The following SLC13A2 variants were observed in gnomAD, a reference collection of about 807,000 sequenced individuals.
SLC13A2 encodes the protein Na(+)-coupled citrate transporter.
A neutral mutation model predicts 58.5 loss-of-function variants in SLC13A2; 40 were observed. The ratio of observed to expected loss-of-function variants is 0.68; its 90% CI spans 0.53 to 0.89. SLC13A2 has a LOEUF of 0.89. SLC13A2 is among the 40% of genes least tolerant of loss of function. The pLI is 0.00. For synonymous variants in SLC13A2, 341 were observed against 331.6 expected, an observed-to-expected ratio of 1.03 and a Z score of -0.31; for missense variants, 694 against 772.6, an observed-to-expected ratio of 0.90 and a Z score of 1.21.
intron 1 of SLC13A2, among the ~76,000 whole-genome samples, chr17:28,474,958 G>A (rs2068645713): frequency 6.6e-6 from 1 of 152,218 alleles, no homozygotes; most frequent in African/African-American, 2.4e-5. Flanking sequence ...GAGACTGGGG[G>A]TGATAGTGGC....
intron 1 of SLC13A2, among the ~76,000 whole-genome samples, chr17:28,485,042 C>T (rs1555601745): frequency 6.6e-6 from 1 of 152,146 alleles, no homozygotes; most frequent in East Asian, 1.9e-4. Context: ...GAGGCTACGC[C>T]CCCGTCCTCA....
chr17:28,477,478 G>A (rs997258080), intron 1 of SLC13A2, among the ~76,000 whole-genome samples: 7 of 151,888 alleles, frequency 4.6e-5, no homozygotes, highest in Non-Finnish European at 7.4e-5. Context: ...ACAGGCGTGA[G>A]CCACCATGCC....
intron 10 of SLC13A2, 68 bp downstream of exon 10, chr17:28,495,884 G>C: frequency 6.6e-7 from 1 of 1,524,250 alleles, no homozygotes; most frequent in Non-Finnish European, 8.9e-7. Flanking sequence ...GGTTCTGCCT[G>C]CTGGGCAGAG....
rs782508033 is a variant in SLC13A2 at position 28,473,707 on chromosome 17, C to T, written c.-6C>T. On this transcript the variant is annotated 5_prime_UTR_variant, in exon 1 of 12. Transcript: ENST00000314669. Reference sequence around the variant, plus strand: ...GTGGCTGTAGCAGCCCTTGCTGCTCCACACCATGGCCACCTGCTGGCAGGC... The same window carrying T: ...GTGGCTGTAGCAGCCCTTGCTGCTCTACACCATGGCCACCTGCTGGCAGGC... 3 of 1,613,078 alleles carry T rather than the reference C, an allele frequency of 1.9e-6. No homozygotes were observed. Among genetic ancestry groups the T allele is most frequent in the East Asian group, 2.2e-5 (1 of 44,854 alleles).
chr17:28,493,700 C>T lies in SLC13A2; in HGVS notation c.1008C>T (p.Phe336=), dbSNP rs868952819. The T allele has an allele frequency of 1.1e-5, 17 of 1,614,110 alleles. No homozygotes were observed. The highest frequency in any genetic ancestry group is 2.2e-5 in the South Asian group (2 of 91,092). The change falls in exon 7 of 12, where the codon TTC becomes TTT. Residue 336 remains phenylalanine, a synonymous_variant. Transcript: ENST00000314669. The stretch of plus-strand genomic sequence containing the variant: ...CAGAAAAGGCCATCAGCATCCTATT[C>T]GTCATCCTGGTGCTGCTCTGGTTCA... ...TFAEKAISIL[F]VILVLLWFTR...
Position 28,490,739 on chromosome 17 carries a change from C to T in SLC13A2, c.407C>T (p.Ser136Phe), listed in dbSNP as rs373753870. 7 of 1,614,154 alleles carry T rather than the reference C, an allele frequency of 4.3e-6. No homozygotes were observed. The highest frequency in any genetic ancestry group is 5.9e-6 in the Non-Finnish European group (7 of 1,180,012). The change falls in exon 4 of 12, where the codon TCC (serine) becomes TTC (phenylalanine). Residue 136 changes from serine (S) to phenylalanine (F), a missense_variant. Ser to Phe is a radical substitution (Grantham distance 155, BLOSUM62 -2). Transcript: ENST00000314669. ...LGFMLVTAFL[S>F]MWISNTATSA... ...TTCATGCTGGTCACGGCCTTCCTGTCCATGTGGATCAGCAACACGGCCACC... is the reference window on the plus strand; with the variant it reads ...TTCATGCTGGTCACGGCCTTCCTGTTCATGTGGATCAGCAACACGGCCACC...
In SLC13A2 at chr17:28,491,535, G is replaced by A. The variant is rs199777182; in HGVS notation, c.673G>A (p.Val225Met). The A allele has an allele frequency of 3.3e-5, 54 of 1,613,776 alleles. No homozygotes were observed. The East Asian group carries it at 1.1e-3, about 32-fold the overall frequency. ...CCTCACCCAGTGCATGAGCCTGTGCGTGTGCTACTCCGCCAGCATCGGGGG... is the reference window on the plus strand; with the variant it reads ...CCTCACCCAGTGCATGAGCCTGTGCATGTGCTACTCCGCCAGCATCGGGGG... ...LHLTQCMSLC[V>M]CYSASIGGIA... Residue 225 changes from valine (V) to methionine (M), a missense_variant, in exon 5 of 12, where the codon GTG (valine) becomes ATG (methionine). By Grantham distance (21) the Val-to-Met change is conservative. Coordinates refer to ENST00000314669, the MANE Select transcript of SLC13A2 (RefSeq NM_003984.4).
At position 28,474,750 on chromosome 17, in the gene SLC13A2, C is replaced by T. The variant is rs112645474; in HGVS notation, c.102+936C>T. Among the ~76,000 whole-genome samples the T allele has an allele frequency of 5.9e-5, 9 of 152,284 alleles. 1 individual carries two copies. The highest frequency in any genetic ancestry group is 1.9e-4 in the African/African-American group (8 of 41,556). On this transcript the variant is annotated intron_variant, in intron 1 of 11. Coordinates refer to ENST00000314669, the MANE Select transcript of SLC13A2 (RefSeq NM_003984.4). Reference sequence around the variant, plus strand: ...CCTTGAAGTTCAATCTTCAGTCAGTCGGCCTCTGGCAAATCACACAGCTGG... The same window carrying T: ...CCTTGAAGTTCAATCTTCAGTCAGTTGGCCTCTGGCAAATCACACAGCTGG...
chr17:28,495,855 G>A (rs372509385), intron 10 of SLC13A2, 39 bp downstream of exon 10: 25 of 1,592,456 alleles, frequency 1.6e-5, no homozygotes, highest in Non-Finnish European at 2.1e-5. Context: ...CAGGCAGCCC[G>A]CCTGCCTGCC....
In SLC13A2 at chr17:28,497,464, G is replaced by C. The variant is rs1281136882; in HGVS notation, c.*195G>C. On this transcript the variant is annotated 3_prime_UTR_variant, in exon 12 of 12. Transcript: ENST00000314669. The stretch of plus-strand genomic sequence containing the variant: ...CTATGTGCTGGAATAAAAGGTGTGT[G>C]CATGTGTGTGTGCGCATATGTGTGC... The C allele has an allele frequency of 7.9e-6, 5 of 631,830 alleles. No homozygotes were observed. The Admixed American group carries it at 1.2e-4, about 15-fold the overall frequency. The allele number at this position is 631,830 out of a possible 1,614,324, so 39.1% of individuals were successfully genotyped here.
At chr17:28,477,243 G>T (rs1255010359) in intron 1 of SLC13A2, among the ~76,000 whole-genome samples, 1 of 144,062 alleles carries the variant, frequency 6.9e-6, no homozygotes, top group Non-Finnish European at 1.5e-5. Context: ...ACCCAGGCTG[G>T]AGTGCAGTGG....
rs145927334 is a variant in SLC13A2 at position 28,494,397 on chromosome 17, C to T, written c.1193C>T (p.Pro398Leu). 9 of 1,614,042 alleles carry T rather than the reference C, an allele frequency of 5.6e-6. No individual in the cohort carries two copies. In the African/African-American group the frequency reaches 9.3e-5, roughly 17 times the overall value. ...FPGLTQDPEN[P>L]GKLKAPLGLL... ...TTCTCTGCTTGGGAAGTAGAAAACC[C>T]AGGGAAGCTGAAGGCCCCTCTTGGC... The change falls in exon 9 of 12, where the codon CCA becomes CTA. Residue 398 changes from proline (P) to leucine (L), a missense_variant. Pro to Leu is a moderately conservative substitution (Grantham distance 98). Coordinates refer to ENST00000314669, the MANE Select transcript of SLC13A2 (RefSeq NM_003984.4). The surrounding 1 kb of genome is among the most constrained non-coding windows in gnomAD (Gnocchi z 4.0).
At chr17:28,491,229 G>A (rs1402592315) in intron 4 of SLC13A2, among the ~76,000 whole-genome samples, 7 of 152,118 alleles carry the variant, frequency 4.6e-5, no homozygotes, top group African/African-American at 1.7e-4. Flanking sequence ...CAAGAGAGAG[G>A]TCAGATCATA....
chr17:28,489,104 G>A lies in SLC13A2; in HGVS notation c.103-110G>A, dbSNP rs2068947978. 2.3e-6 allele frequency: 3 copies of A among 1,282,272 alleles called. No individual in the cohort carries two copies. The East Asian group carries it at 7.1e-5, about 30-fold the overall frequency. The allele number at this position is 1,282,272 out of a possible 1,614,324, so 79.4% of individuals were successfully genotyped here. On this transcript the variant is annotated intron_variant, in intron 1 of 11. Coordinates refer to ENST00000314669, the MANE Select transcript of SLC13A2 (RefSeq NM_003984.4). ...GGAATCAATGACTGTGGGTTTCACAGGCTCTCCCCAGGCAGTCACAAATGG... is the reference window on the plus strand; with the variant it reads ...GGAATCAATGACTGTGGGTTTCACAAGCTCTCCCCAGGCAGTCACAAATGG...
In SLC13A2 at chr17:28,494,630, G is replaced by A. The variant is rs558096777; in HGVS notation, c.1308+118G>A. 12 of 1,448,094 alleles carry A rather than the reference G, an allele frequency of 8.3e-6. No individual in the cohort carries two copies. The highest frequency in any genetic ancestry group is 1.4e-5 in the African/African-American group (1 of 70,782). 89.7% of individuals were successfully genotyped at this position (1,448,094 alleles called of 1,614,324 possible). A position where few individuals can be genotyped will look rare whatever the true frequency, so the allele number is the denominator to read the frequency against. Reference sequence around the variant, plus strand: ...CCTGGTCCCCACGTAGGAGCCTCTCGGGTAGGCAGAGCCTTTGCAGCAGCT... The same window carrying A: ...CCTGGTCCCCACGTAGGAGCCTCTCAGGTAGGCAGAGCCTTTGCAGCAGCT... On this transcript the variant is annotated intron_variant, in intron 9 of 11. Transcript: ENST00000314669. This position sits in a 1 kb window ranked among gnomAD's most constrained non-coding sequence, Gnocchi z 4.0.
chr17:28,491,341 C>A, intron 4 of SLC13A2, 96 bp from the exon 5 acceptor site: 1 of 1,390,310 alleles, frequency 7.2e-7, no homozygotes, highest in Non-Finnish European at 9.9e-7. Context: ...CTGGGCTGTT[C>A]ACAGACAAGG....
chr17:28,495,914 C>T, intron 10 of SLC13A2, 98 bp downstream of exon 10: 2 of 1,401,992 alleles, frequency 1.4e-6, no homozygotes, highest in Non-Finnish European at 1.9e-6. Context: ...TTTGCACCTC[C>T]TCTTTTCCTT....
At chr17:28,479,068 G>A (rs1176450192) in intron 1 of SLC13A2, among the ~76,000 whole-genome samples, 1 of 151,992 alleles carries the variant, frequency 6.6e-6, no homozygotes, top group African/African-American at 2.4e-5. Context: ...AAAAAAATTA[G>A]CCAGGTGTGG....
rs1000405952 is a variant in SLC13A2, at chr17:28,494,655, T to C, written c.1308+143T>C. ...GGGTAGGCAGAGCCTTTGCAGCAGCTGGGAAGACTTAGGTTAGAGCCCTCA... is the reference window on the plus strand; with the variant it reads ...GGGTAGGCAGAGCCTTTGCAGCAGCCGGGAAGACTTAGGTTAGAGCCCTCA... On this transcript the variant is annotated intron_variant, in intron 9 of 11. Coordinates refer to ENST00000314669, the MANE Select transcript of SLC13A2 (RefSeq NM_003984.4). This position sits in a 1 kb window ranked among gnomAD's most constrained non-coding sequence, Gnocchi z 4.0. 2 of 1,220,820 alleles carry C rather than the reference T, an allele frequency of 1.6e-6. No individual in the cohort carries two copies. Among genetic ancestry groups the C allele is most frequent in the Non-Finnish European group, 2.3e-6 (2 of 886,798 alleles). 75.6% of individuals were successfully genotyped at this position (1,220,820 alleles called of 1,614,324 possible).
Sources: gnomAD v4.1 joint callset for allele counts (sites outside exome capture counted in the v4.1 genomes callset) on GRCh38, gnomAD v4.1.1 for gene constraint, Gnocchi (gnomAD v3.1) non-coding constraint, MANE v1.5 for transcripts, NCBI Gene and HGNC (gene_info 2026-07-23, HGNC 2026-07-21) for gene names.